Variants in ZMPSTE24 observed in about 807,000 individuals in gnomAD.
The protein encoded by ZMPSTE24 is zinc metallopeptidase STE24.
A neutral mutation model predicts 56.7 loss-of-function variants in ZMPSTE24; 48 were observed. That is an observed-to-expected ratio of 0.85 (90% CI 0.67 to 1.08). The LOEUF (loss-of-function observed/expected upper bound fraction) is 1.08, where lower values mean the gene tolerates loss of function less well. Ranked by LOEUF, ZMPSTE24 falls within the 50% of genes least tolerant of loss-of-function variation. The probability of loss-of-function intolerance (pLI) is 0.00; values close to 1 mark genes in which losing one functional copy is unlikely to be tolerated. For missense variants in ZMPSTE24, 503 were observed against 548.7 expected, an observed-to-expected ratio of 0.92 and a Z score of 0.83; for synonymous variants, 172 against 195.2, an observed-to-expected ratio of 0.88 and a Z score of 0.99.
chr1:40,260,504 TGTTTTCC>T (rs1361207206), intron 1 of ZMPSTE24, among the ~76,000 whole-genome samples: 15 of 152,214 alleles, frequency 9.9e-5, no homozygotes, highest in Admixed American at 5.2e-4. Context: ...TGCATGAATT[TGTTTTCC>T]GTATTATAGG....
intron 2 of ZMPSTE24, among the ~76,000 whole-genome samples, chr1:40,264,011 T>C (rs1198852347): frequency 6.6e-6 from 1 of 152,210 alleles, no homozygotes; most frequent in Non-Finnish European, 1.5e-5. Context: ...AGTTTCACCT[T>C]CTTGAGCCTA....
chr1:40,280,051 A>G (rs1643712072), intron 6 of ZMPSTE24, among the ~76,000 whole-genome samples: 1 of 151,894 alleles, frequency 6.6e-6, no homozygotes, highest in African/African-American at 2.4e-5. Context: ...CAAAACAATG[A>G]TTTTTTTTAA....
At chr1:40,281,760 A>G (rs1643732880) in intron 7 of ZMPSTE24, among the ~76,000 whole-genome samples, 1 of 152,142 alleles carries the variant, frequency 6.6e-6, no homozygotes, top group South Asian at 2.1e-4. Context: ...AGCTCTTATA[A>G]GAAAATTCAT....
At position 40,261,072 on chromosome 1, in the gene ZMPSTE24, C is replaced by G. The variant is rs773022256; in HGVS notation, c.270+87C>G. On this transcript the variant is annotated intron_variant, in intron 2 of 9. Transcript: ENST00000372759. ...AACACAAAAGAGGGTACCACACTTA[C>G]AAGTCCCAGAATGCTTTCTTAACCT... 7 of 1,508,148 alleles carry G rather than the reference C, an allele frequency of 4.6e-6. No individual in the cohort carries two copies. In the Admixed American group the frequency reaches 6.7e-5, roughly 14 times the overall value. The allele number at this position is 1,508,148 out of a possible 1,614,324, so 93.4% of individuals were successfully genotyped here.
At chr1:40,275,265 C>CAAAAAAAAAAAA (rs869166476) in intron 6 of ZMPSTE24, among the ~76,000 whole-genome samples, 4 of 38,548 alleles carry the variant, frequency 1.0e-4, no homozygotes, top group Admixed American at 6.7e-4. Context: ...ACTAAAAATA[C>CAAAAAAAAAAAA]AAAAAAAAAA....
intron 7 of ZMPSTE24, among the ~76,000 whole-genome samples, chr1:40,284,279 T>A (rs1338236794): frequency 6.6e-6 from 1 of 151,836 alleles, no homozygotes; most frequent in Non-Finnish European, 1.5e-5. Flanking sequence ...ATAATTTTTT[T>A]ATCTGAATTT....
At chr1:40,289,176 T>C (rs1021293619) in intron 8 of ZMPSTE24, among the ~76,000 whole-genome samples, 1 of 152,230 alleles carries the variant, frequency 6.6e-6, no homozygotes, top group Non-Finnish European at 1.5e-5. Context: ...CATCTGCTTA[T>C]TTAACTTACT....
chr1:40,266,823 G>A (rs1031789281), intron 2 of ZMPSTE24, among the ~76,000 whole-genome samples: 1 of 136,042 alleles, frequency 7.4e-6, no homozygotes, highest in Non-Finnish European at 1.5e-5. Flanking sequence ...AGGCTGGAGT[G>A]CAGGCACGAT....
At position 40,293,018 on chromosome 1, in the gene ZMPSTE24, A is replaced by T. The variant is rs1643859448; in HGVS notation, c.*349A>T. 3.8e-6 allele frequency: 1 copy of T among 259,836 alleles called. No homozygotes were observed. The highest frequency in any genetic ancestry group is 2.3e-5 in the African/African-American group (1 of 43,072). 16.1% of individuals were successfully genotyped at this position (259,836 alleles called of 1,614,324 possible). A position where few individuals can be genotyped will look rare whatever the true frequency, so the allele number is the denominator to read the frequency against. On this transcript the variant is annotated 3_prime_UTR_variant, in exon 10 of 10. Transcript: ENST00000372759. ...AGGGCATATGTTTGAAAGAGGGAGC[A>T]TCACCACAGGAATCCTTTCTGTGAG...
chr1:40,285,204 G>A (rs61779106), intron 7 of ZMPSTE24, among the ~76,000 whole-genome samples: 7,390 of 151,776 alleles, frequency 0.049, 511 homozygotes, highest in African/African-American at 0.16. Context: ...GCTCACTGCA[G>A]CCTCTGATTC....
In ZMPSTE24 at chr1:40,292,605, G is replaced by T. The variant is rs1199992565; in HGVS notation, c.1364G>T (p.Trp455Leu). The change falls in exon 10 of 10, where the codon TGG (tryptophan) becomes TTG (leucine). Residue 455 changes from tryptophan (W) to leucine (L), a missense_variant. Transcript: ENST00000372759. ...GTTTCTGACTGGTTGTTCTCAATGT[G>T]GCATTATTCTCATCCTCCACTGCTA... ...FPVSDWLFSM[W>L]HYSHPPLLER... 1 of 1,614,004 alleles carries T rather than the reference G, an allele frequency of 6.2e-7. No individual in the cohort carries two copies. The highest frequency in any genetic ancestry group is 8.5e-7 in the Non-Finnish European group (1 of 1,179,988).
chr1:40,289,834 A>C (rs1395132777), intron 8 of ZMPSTE24, among the ~76,000 whole-genome samples: 3 of 152,074 alleles, frequency 2.0e-5, no homozygotes, highest in Middle Eastern at 3.2e-3. Context: ...CCTAGAGAGG[A>C]TTCAAGGGAA....
chr1:40,269,073 CAAAAAAAAAAAAA>C lies in ZMPSTE24; in HGVS notation c.474+550_474+562del, dbSNP rs60201234. Among the ~76,000 whole-genome samples the C allele has an allele frequency of 1.5e-3, 71 of 46,238 alleles. 1 individual carries two copies. The highest frequency in any genetic ancestry group is 3.8e-3 in the African/African-American group (69 of 18,116). 30.3% of individuals were successfully genotyped at this position (46,238 alleles called of 152,430 possible). A position where few individuals can be genotyped will look rare whatever the true frequency, so the allele number is the denominator to read the frequency against. On this transcript the variant is annotated intron_variant, in intron 4 of 9. Transcript: ENST00000372759. ...CCTGGGTGACAGCAAGACTCCGTCT[CAAAAAAAAAAAAA>C]AAAAAAAAAAAGAAAGAAAAAAAGT... is the stretch of plus-strand genomic sequence containing the variant.
chr1:40,277,844 A>G (rs376828104), intron 6 of ZMPSTE24, among the ~76,000 whole-genome samples: 4 of 150,698 alleles, frequency 2.7e-5, no homozygotes, highest in Non-Finnish European at 5.9e-5. Flanking sequence ...TGGCGTGTGC[A>G]TGTAATCCCA....
At chr1:40,267,041 T>C (rs2124580053) in intron 2 of ZMPSTE24, among the ~76,000 whole-genome samples, 1 of 152,248 alleles carries the variant, frequency 6.6e-6, no homozygotes, top group Middle Eastern at 3.4e-3. Flanking sequence ...GTGCTGGGAT[T>C]ACAGGCATAT....
At chr1:40,259,209 A>G (rs1643470497) in intron 1 of ZMPSTE24, 1 of 152,238 alleles carries the variant, frequency 6.6e-6, no homozygotes, top group African/African-American at 2.4e-5. Context: ...CGTTTTTCAT[A>G]AAATCAACAT....
At position 40,269,073 on chromosome 1, in the gene ZMPSTE24, CAAAAAAAAAAAAAAA is replaced by C. The variant is rs60201234; in HGVS notation, c.474+548_474+562del. ...CCTGGGTGACAGCAAGACTCCGTCT[CAAAAAAAAAAAAAAA>C]AAAAAAAAAGAAAGAAAAAAAGTCT... On this transcript the variant is annotated intron_variant, in intron 4 of 9. Coordinates refer to ENST00000372759, the MANE Select transcript of ZMPSTE24 (RefSeq NM_005857.5). Among the ~76,000 whole-genome samples the C allele has an allele frequency of 4.7e-3, 217 of 46,242 alleles. 2 individuals carry two copies. Among genetic ancestry groups the C allele is most frequent in the African/African-American group, 0.011 (200 of 18,118 alleles). The allele number at this position is 46,242 out of a possible 152,430, so 30.3% of individuals were successfully genotyped here.
chr1:40,266,958 A>G (rs1226856627), intron 2 of ZMPSTE24, among the ~76,000 whole-genome samples: 1 of 151,862 alleles, frequency 6.6e-6, no homozygotes, highest in Non-Finnish European at 1.5e-5. Flanking sequence ...TTGTAGGGAC[A>G]GGTTTCACCA....
rs767497462 is a variant in ZMPSTE24 at position 40,258,342 on chromosome 1, T to C, written c.71T>C (p.Leu24Pro). ...PAEKRIFGAV[L>P]LFSWTVYLWE... ...GAGAAGCGTATCTTCGGGGCCGTGC[T>C]GCTCTTTTCCTGGACAGTGTATCTT... The change falls in exon 1 of 10, where the codon CTG (leucine) becomes CCG (proline). Residue 24 changes from leucine to proline, a missense_variant. Coordinates refer to ENST00000372759, the MANE Select transcript of ZMPSTE24 (RefSeq NM_005857.5). The C allele has an allele frequency of 1.2e-6, 2 of 1,614,240 alleles. No individual in the cohort carries two copies. Among genetic ancestry groups the C allele is most frequent in the Non-Finnish European group, 1.7e-6 (2 of 1,180,034 alleles).
Sources: allele counts gnomAD v4.1 joint callset (sites outside exome capture counted in the v4.1 genomes callset), GRCh38; gene constraint gnomAD v4.1.1; transcripts MANE v1.5; gene names NCBI Gene and HGNC (gene_info 2026-07-23, HGNC 2026-07-21).